UGT1A4: variants seen among roughly 807,000 people sequenced by gnomAD.
UGT1A4 encodes the protein UDP-glucuronosyltransferase 1A4.
UGT1A4 carries 32 observed loss-of-function variants against 41.1 expected under a neutral mutation model. That is an observed-to-expected ratio of 0.78 (90% CI 0.59 to 1.05). The LOEUF is 1.05. UGT1A4 is among the 50% of genes least tolerant of loss of function. The probability of loss-of-function intolerance (pLI) is 0.00; values close to 1 mark genes in which losing one functional copy is unlikely to be tolerated. For synonymous variants in UGT1A4, 283 were observed against 265.1 expected (o/e 1.07, Z -0.66); for missense variants, 748 against 677.4 (o/e 1.10, Z -1.16).
chr2:233,750,918 A>G (rs1308171109), intron 1 of UGT1A4, among the ~76,000 whole-genome samples: 1 of 151,874 alleles, frequency 6.6e-6, no homozygotes, highest in Admixed American at 6.5e-5. Context: ...AGGGTGGTAA[A>G]GAAATGTGAG....
chr2:233,729,231 C>T (rs777258735), intron 1 of UGT1A4: 1 of 1,614,178 alleles, frequency 6.2e-7, no homozygotes, highest in East Asian at 2.2e-5. Context: ...TGGTGGTGCC[C>T]ATTGATGGCA....
In UGT1A4 at chr2:233,719,653, G is replaced by T; in HGVS notation, c.833G>T (p.Gly278Val). Residue 278 changes from glycine (G) to valine (V), a missense_variant, in exon 1 of 5, where the codon GGC becomes GTC. Physicochemically the swap from Gly to Val is moderately radical, Grantham distance 109 (BLOSUM62 -3). Transcript: ENST00000373409. ...ATGCCCAACATGGTCTTCATTGGGGGCATCAACTGTGCCAACGGGAAGCCA... is the reference window on the plus strand; with the variant it reads ...ATGCCCAACATGGTCTTCATTGGGGTCATCAACTGTGCCAACGGGAAGCCA... ...PIMPNMVFIG[G>V]INCANGKPLS... 6.2e-7 allele frequency: 1 copy of T among 1,614,078 alleles called. No homozygotes were observed. Among genetic ancestry groups the T allele is most frequent in the Non-Finnish European group, 8.5e-7 (1 of 1,179,962 alleles).
rs559155778 is a variant in UGT1A4 at position 233,769,190 on chromosome 2, G to A, written c.1307+751G>A. Among the ~76,000 whole-genome samples, 1 of 152,304 alleles carries A rather than the reference G, an allele frequency of 6.6e-6. No homozygotes were observed. The highest frequency in any genetic ancestry group is 2.4e-5 in the African/African-American group (1 of 41,564). ...GTCCATGGAGTTTATGAATGAAGGA[G>A]CTATAAGATATCACAGACAAAGTCT... On this transcript the variant is annotated intron_variant, in intron 4 of 4. Transcript: ENST00000373409. The surrounding 1 kb of genome is among the most constrained non-coding windows in gnomAD (Gnocchi z 4.4).
At position 233,748,031 on chromosome 2, in the gene UGT1A4, G is replaced by A. The variant is rs1285076078; in HGVS notation, c.868-19003G>A. On this transcript the variant is annotated intron_variant, in intron 1 of 4. Transcript: ENST00000373409. ...ACCCCAGGCCGATCATGCCCAACAT[G>A]GTCTTCATTGGGGGCATCAACTGTG... The A allele has an allele frequency of 3.1e-6, 5 of 1,613,428 alleles. No homozygotes were observed. The African/African-American group carries it at 6.7e-5, about 22-fold the overall frequency.
chr2:233,731,475 C>A lies in UGT1A4; in HGVS notation c.867+11788C>A, dbSNP rs368820066. ...AACAGGCCCTGGCGTGTGATGTTCC[C>A]TGGCCTGTGTCCAGTGTTCTTGCTG... On this transcript the variant is annotated intron_variant, in intron 1 of 4. Coordinates refer to ENST00000373409, the MANE Select transcript of UGT1A4 (RefSeq NM_007120.3). Among the ~76,000 whole-genome samples the A allele has an allele frequency of 3.1e-4, 47 of 152,264 alleles. No homozygotes were observed. The South Asian group carries it at 9.3e-3, about 30-fold the overall frequency.
intron 1 of UGT1A4, chr2:233,743,644 G>T (rs1317452521): frequency 1.5e-6 from 2 of 1,367,194 alleles, no homozygotes; most frequent in East Asian, 9.1e-5. Flanking sequence ...CGCGGAAGCT[G>T]AAGACGTACT....
chr2:233,760,308 C>G (rs780253764), intron 1 of UGT1A4: 1 of 1,613,678 alleles, frequency 6.2e-7, no homozygotes. Flanking sequence ...AGTCCCAGGG[C>G]GGACGCCCAC....
At chr2:233,725,070 G>A (rs1181179601) in intron 1 of UGT1A4, among the ~76,000 whole-genome samples, 7 of 145,216 alleles carry the variant, frequency 4.8e-5, no homozygotes, top group East Asian at 2.1e-4. Context: ...GCCTGCAATC[G>A]CAGGCACTCG....
intron 1 of UGT1A4, among the ~76,000 whole-genome samples, chr2:233,744,422 T>C (rs2125863019): frequency 6.6e-6 from 1 of 151,974 alleles, no homozygotes; most frequent in Non-Finnish European, 1.5e-5. Flanking sequence ...TTCATGTGGA[T>C]TATATCTATC....
chr2:233,736,596 G>A lies in UGT1A4; in HGVS notation c.867+16909G>A, dbSNP rs539240501. Among the ~76,000 whole-genome samples, 13 of 152,274 alleles carry A rather than the reference G, an allele frequency of 8.5e-5. No individual in the cohort carries two copies. The East Asian group carries it at 9.6e-4, about 11-fold the overall frequency. ...TCCTTTGGAGGAGATGTGCTTATGC[G>A]CTATGGTTTTTAGAATTTTCAGCTT... On this transcript the variant is annotated intron_variant, in intron 1 of 4. Transcript: ENST00000373409.
At chr2:233,754,258 T>C in intron 1 of UGT1A4, 1 of 170,430 alleles carries the variant, frequency 5.9e-6, no homozygotes, top group Middle Eastern at 2.9e-3. Context: ...CGGAAAAAGG[T>C]AAGGCTCAAA....
At chr2:233,772,199 A>T (rs1700481420) in intron 4 of UGT1A4, 63 bp from the exon 5 acceptor site, 2 of 1,605,338 alleles carry the variant, frequency 1.2e-6, no homozygotes, top group African/African-American at 1.3e-5. Flanking sequence ...AGCCATGAGC[A>T]TAAAGAGAGG....
chr2:233,729,742 A>G (rs573582484), intron 1 of UGT1A4: 2 of 1,613,974 alleles, frequency 1.2e-6, no homozygotes, highest in East Asian at 2.2e-5. Context: ...AGACCACATG[A>G]CATTCATGCA....
At chr2:233,741,065 C>T (rs978483126) in intron 1 of UGT1A4, among the ~76,000 whole-genome samples, 7 of 151,774 alleles carry the variant, frequency 4.6e-5, no homozygotes, top group African/African-American at 7.3e-5. Context: ...AGCTACAGAG[C>T]GAGACCCTGT....
chr2:233,743,655 C>G (rs367682058), intron 1 of UGT1A4: 8 of 1,367,176 alleles, frequency 5.9e-6, no homozygotes, highest in Non-Finnish European at 7.8e-6. Flanking sequence ...AAGACGTACT[C>G]GAAGGGGTCC....
At chr2:233,724,542 G>A (rs1366832768) in intron 1 of UGT1A4, among the ~76,000 whole-genome samples, 3 of 123,126 alleles carry the variant, frequency 2.4e-5, no homozygotes, top group East Asian at 2.5e-4. Context: ...GGGCAGAGGC[G>A]CTCCTCACAT....
At chr2:233,746,140 G>A (rs779278440) in intron 1 of UGT1A4, among the ~76,000 whole-genome samples, 6 of 151,874 alleles carry the variant, frequency 4.0e-5, no homozygotes, top group Non-Finnish European at 8.8e-5. Context: ...TGGCACCTGA[G>A]TGATAGCATG....
At position 233,743,563 on chromosome 2, in the gene UGT1A4, C is replaced by T. The variant is rs546286371; in HGVS notation, c.868-23471C>T. 46 of 1,367,298 alleles carry T rather than the reference C, an allele frequency of 3.4e-5. 1 individual carries two copies. Among genetic ancestry groups the T allele is most frequent in the Admixed American group, 5.7e-5 (3 of 52,582 alleles). 84.7% of individuals were successfully genotyped at this position (1,367,298 alleles called of 1,614,324 possible). A position where few individuals can be genotyped will look rare whatever the true frequency, so the allele number is the denominator to read the frequency against. On this transcript the variant is annotated intron_variant, in intron 1 of 4. Transcript: ENST00000373409. The stretch of plus-strand genomic sequence containing the variant: ...CTGACCCCCCCAAAATATTCTCCAG[C>T]GGGTTTCCCAAGAGGTCAAAGGAGA...
chr2:233,757,558 A>ATATATATATATATATATATATATC (rs1553619909), intron 1 of UGT1A4, among the ~76,000 whole-genome samples: 1 of 124,446 alleles, frequency 8.0e-6, no homozygotes, highest in African/African-American at 3.3e-5. Context: ...ATATATATAT[A>ATATATATATATATATATATATATC]TATGTATATA....
Sources: gnomAD v4.1 joint callset for allele counts (sites outside exome capture counted in the v4.1 genomes callset) on GRCh38, gnomAD v4.1.1 for gene constraint, Gnocchi (gnomAD v3.1) non-coding constraint, MANE v1.5 for transcripts, NCBI Gene and HGNC (gene_info 2026-07-23, HGNC 2026-07-21) for gene names.